The following TTBK2 variants were observed in gnomAD, a reference collection of about 807,000 sequenced individuals.
TTBK2 encodes tau tubulin kinase 2.
TTBK2 carries 28 observed loss-of-function variants against 110.8 expected under a neutral mutation model. The observed-to-expected ratio is 0.25, with a 90% CI of 0.19 to 0.35. The LOEUF (loss-of-function observed/expected upper bound fraction) is 0.35. Ranked by LOEUF, TTBK2 falls within the 10% of genes least tolerant of loss-of-function variation. The pLI is 1.00. For missense variants in TTBK2, 1,369 were observed against 1,500.3 expected, an observed-to-expected ratio of 0.91 and a Z score of 1.45; for synonymous variants, 532 against 527.3, an observed-to-expected ratio of 1.01 and a Z score of -0.12.
rs1190289032 is a variant in TTBK2, at chr15:42,744,674, T to A, written c.*1121A>T. ...ACAGGAGAAGCAGGTAATAAAACAT[T>A]AAAAAAGAAATATTTGCCTAAATTT... is the stretch of plus-strand genomic sequence containing the variant. On this transcript the variant is annotated 3_prime_UTR_variant, in exon 15 of 15. Transcript: ENST00000267890. 1 of 152,100 alleles carries A rather than the reference T, an allele frequency of 6.6e-6. No homozygotes were observed. The highest frequency in any genetic ancestry group is 1.5e-5 in the Non-Finnish European group (1 of 67,990). 9.4% of individuals were successfully genotyped at this position (152,100 alleles called of 1,614,324 possible). A position where few individuals can be genotyped will look rare whatever the true frequency, so the allele number is the denominator to read the frequency against.
intron 2 of TTBK2, among the ~76,000 whole-genome samples, chr15:42,874,508 G>T (rs1233491783): frequency 1.3e-5 from 2 of 150,912 alleles, no homozygotes; most frequent in East Asian, 4.0e-4. Flanking sequence ...GTAGAGATGG[G>T]GTCTCACCAT....
chr15:42,815,556 G>A lies in TTBK2; in HGVS notation c.603+1476C>T, dbSNP rs528124591. Among the ~76,000 whole-genome samples the A allele has an allele frequency of 4.6e-5, 7 of 152,026 alleles. 2 individuals are homozygous for A. Among genetic ancestry groups the A allele is most frequent in the African/African-American group, 1.4e-4 (6 of 41,454 alleles). On this transcript the variant is annotated intron_variant, in intron 7 of 14. Transcript: ENST00000267890. ...CCCAGTTTTCCTACTCATAAAGTTC[G>A]GGATGAAGGGGAAAAAGTCAGCGCA...
At chr15:42,756,154 G>A (rs2061943241) in intron 13 of TTBK2, among the ~76,000 whole-genome samples, 1 of 152,070 alleles carries the variant, frequency 6.6e-6, no homozygotes, top group Non-Finnish European at 1.5e-5. Context: ...CCAAGATCAT[G>A]CCACTGTACT....
rs752198863 is a variant in TTBK2 at position 42,801,366 on chromosome 15, T to C, written c.823-6565A>G. On this transcript the variant is annotated intron_variant, in intron 9 of 14. Transcript: ENST00000267890. ...GGCCTCCAGCTCAGACAGCTTGGCA[T>C]TGGCATCCTTAATGGCTAGCTCCCC... 24 of 1,481,550 alleles carry C rather than the reference T, an allele frequency of 1.6e-5. 1 individual carries two copies. Among genetic ancestry groups the C allele is most frequent in the Non-Finnish European group, 1.7e-5 (18 of 1,060,286 alleles). 91.8% of individuals were successfully genotyped at this position (1,481,550 alleles called of 1,614,324 possible). A position where few individuals can be genotyped will look rare whatever the true frequency, so the allele number is the denominator to read the frequency against.
chr15:42,797,737 T>C lies in TTBK2; in HGVS notation c.823-2936A>G, dbSNP rs1036121191. On this transcript the variant is annotated intron_variant, in intron 9 of 14. Coordinates refer to ENST00000267890, the MANE Select transcript of TTBK2 (RefSeq NM_173500.4). ...TCTTAATTCAGTGAGTCAAATAGATTTGAGAATAAAAATTACCTTGTAAGT... is the reference window on the plus strand; with the variant it reads ...TCTTAATTCAGTGAGTCAAATAGATCTGAGAATAAAAATTACCTTGTAAGT... 5.9e-5 allele frequency among the ~76,000 whole-genome samples: 9 copies of C among 152,004 alleles called. No homozygotes were observed. In the East Asian group the frequency reaches 1.7e-3, roughly 29 times the overall value.
chr15:42,816,081 AATAAATATATATATATATATATAT>A (rs1330526501), intron 7 of TTBK2, among the ~76,000 whole-genome samples: 14 of 60,318 alleles, frequency 2.3e-4, no homozygotes, highest in Admixed American at 4.9e-4. Context: ...AAAATAAATA[AATAAATATATATATATATATATAT>A]ATATATATAT....
Position 42,769,350 on chromosome 15 carries a change from TG to T in TTBK2, c.1998+5784del, listed in dbSNP as rs1175948747. On this transcript the variant is annotated intron_variant, in intron 13 of 14. Transcript: ENST00000267890. ...AACTTATAGAATGGGAGAACATTTT[TG>T]CAATCTACTCATCTGACAAAGGGCT... Among the ~76,000 whole-genome samples, 7 of 152,334 alleles carry T rather than the reference TG, an allele frequency of 4.6e-5. No homozygotes were observed. In the East Asian group the frequency reaches 1.2e-3, roughly 25 times the overall value.
chr15:42,752,493 T>C lies in TTBK2; in HGVS notation c.2753A>G (p.His918Arg). 1 of 1,614,226 alleles carries C rather than the reference T, an allele frequency of 6.2e-7. No individual in the cohort carries two copies. The highest frequency in any genetic ancestry group is 8.5e-7 in the Non-Finnish European group (1 of 1,180,036). Reference sequence around the variant, plus strand: ...ACCATGTTCATTCTCTGAAACACAATGAAATAGTTCTCCATTTCTAGGGGT... The same window carrying C: ...ACCATGTTCATTCTCTGAAACACAACGAAATAGTTCTCCATTTCTAGGGGT... ...KITPRNGELFHCVSENEHGAP... is the reference protein window; with the variant it reads ...KITPRNGELFRCVSENEHGAP... Residue 918 changes from histidine (H) to arginine (R), a missense_variant, in exon 14 of 15, where the codon CAT (histidine) becomes CGT (arginine). This residue lies in a region of TTBK2 where 1,097 missense variants were observed against 1,114.7 expected (regional missense o/e 0.98). Transcript: ENST00000267890.
chr15:42,873,046 T>C (rs1894675440), intron 2 of TTBK2, among the ~76,000 whole-genome samples: 1 of 152,200 alleles, frequency 6.6e-6, no homozygotes, highest in Non-Finnish European at 1.5e-5. Flanking sequence ...TCACCAACAA[T>C]ACAGTATTTG....
chr15:42,766,446 CAAAAA>C (rs567972612), intron 13 of TTBK2, among the ~76,000 whole-genome samples: 15 of 30,852 alleles, frequency 4.9e-4, no homozygotes, highest in African/African-American at 1.6e-3. Flanking sequence ...GAATGGAAAG[CAAAAA>C]AAAAAAAAAA....
At chr15:42,817,844 G>A (rs1892105332) in intron 6 of TTBK2, among the ~76,000 whole-genome samples, 1 of 152,142 alleles carries the variant, frequency 6.6e-6, no homozygotes, top group Admixed American at 6.5e-5. Flanking sequence ...CAGCTGGAAT[G>A]CCAGCTCCCT....
At chr15:42,870,999 G>C (rs1211788360) in intron 3 of TTBK2, among the ~76,000 whole-genome samples, 1 of 151,990 alleles carries the variant, frequency 6.6e-6, no homozygotes, top group Non-Finnish European at 1.5e-5. Context: ...CATTCAGTAA[G>C]AAGTCATTAG....
At chr15:42,795,163 G>T (rs1458176878) in intron 9 of TTBK2, among the ~76,000 whole-genome samples, 2 of 151,824 alleles carry the variant, frequency 1.3e-5, no homozygotes, top group African/African-American at 4.8e-5. Flanking sequence ...ACAAAACAAG[G>T]ACTTTTTATA....
At chr15:42,898,013 A>C (rs909507885) in intron 1 of TTBK2, among the ~76,000 whole-genome samples, 2 of 151,958 alleles carry the variant, frequency 1.3e-5, no homozygotes, top group African/African-American at 4.8e-5. Context: ...AACTTGGTGA[A>C]ACTCCATATC....
At chr15:42,794,539 G>A (rs16957167) in intron 10 of TTBK2, 105 bp downstream of exon 10, 14 of 1,496,492 alleles carry the variant, frequency 9.4e-6, no homozygotes, top group East Asian at 4.5e-5. Context: ...AGGCTTTCCC[G>A]GATGTCTTAG....
chr15:42,918,542 T>C (rs1267852765), intron 1 of TTBK2, among the ~76,000 whole-genome samples: 1 of 152,282 alleles, frequency 6.6e-6, no homozygotes, highest in East Asian at 1.9e-4. Flanking sequence ...CAAAGTGAAA[T>C]TTAAATTCCA....
chr15:42,814,140 G>A (rs2140935421), intron 7 of TTBK2, among the ~76,000 whole-genome samples: 1 of 152,054 alleles, frequency 6.6e-6, no homozygotes, highest in Non-Finnish European at 1.5e-5. Context: ...TCCTGCCTCA[G>A]CCTCCCGAGT....
At chr15:42,850,179 C>T (rs78920607) in intron 3 of TTBK2, among the ~76,000 whole-genome samples, 2,478 of 152,036 alleles carry the variant, frequency 0.016, 64 homozygotes, top group African/African-American at 0.056. Context: ...GTTTGAGGCC[C>T]GGGTATAAGA....
At chr15:42,813,376 G>T (rs908234020) in intron 7 of TTBK2, among the ~76,000 whole-genome samples, 2 of 151,860 alleles carry the variant, frequency 1.3e-5, no homozygotes, top group Non-Finnish European at 2.9e-5. Flanking sequence ...ACAAAAATTA[G>T]CCAAGTGTGG....
Sources: allele counts gnomAD v4.1 joint callset (sites outside exome capture counted in the v4.1 genomes callset), GRCh38; gene constraint gnomAD v4.1.1; regional missense constraint gnomAD v4.1.1; transcripts MANE v1.5; gene names NCBI Gene and HGNC (gene_info 2026-07-23, HGNC 2026-07-21).